MYH16: variants seen among roughly 807,000 people sequenced by gnomAD.
MYH16 encodes the protein putative uncharacterized protein MYH16.
chr7:99,265,679 C>A, exon 17 of MYH16: 1 of 153,936 alleles, frequency 6.5e-6, no homozygotes, highest in South Asian at 1.8e-4. Context: ...ACCCGGAGTT[C>A]AAACAGAGGT....
At chr7:99,250,790 G>T (rs1791800954) in intron 5 of MYH16, among the ~76,000 whole-genome samples, 1 of 152,044 alleles carries the variant, frequency 6.6e-6, no homozygotes, top group Admixed American at 6.6e-5. Flanking sequence ...TGCTCAGGGG[G>T]CTCTCTGCCA....
At chr7:99,290,592 G>A (rs1029858126) in intron 30 of MYH16, among the ~76,000 whole-genome samples, 2 of 151,910 alleles carry the variant, frequency 1.3e-5, no homozygotes, top group Non-Finnish European at 1.5e-5. Context: ...TTGAGGTCAG[G>A]AGTTTGAGAC....
chr7:99,284,901 A>C (rs1792256337), exon 26 of MYH16: 1 of 456,570 alleles, frequency 2.2e-6, no homozygotes, highest in Admixed American at 2.3e-5. Context: ...CAGTCTCTGA[A>C]TTCCACGCTG....
chr7:99,247,238 T>G (rs552336864), intron 2 of MYH16, among the ~76,000 whole-genome samples: 12 of 152,310 alleles, frequency 7.9e-5, no homozygotes, highest in African/African-American at 2.6e-4. Context: ...AGTGGCACGA[T>G]CTTGGCTCAC....
At chr7:99,279,245 G>A (rs1346973104) in intron 21 of MYH16, among the ~76,000 whole-genome samples, 1 of 150,768 alleles carries the variant, frequency 6.6e-6, no homozygotes, top group Non-Finnish European at 1.5e-5. Context: ...TGTAGCCTCA[G>A]CTACTTGGGA....
intron 29 of MYH16, among the ~76,000 whole-genome samples, chr7:99,288,379 CAGTG>C (rs1792316237): frequency 1.3e-5 from 2 of 152,124 alleles, no homozygotes; most frequent in African/African-American, 4.8e-5. Flanking sequence ...GTTGAGACTG[CAGTG>C]AGTATGACTG....
intron 32 of MYH16, 39 bp from the exon 14 acceptor site, chr7:99,293,979 C>T (rs960760705): frequency 7.0e-6 from 3 of 427,606 alleles, no homozygotes; most frequent in African/African-American, 6.1e-5. Context: ...CTGTAAGTGC[C>T]TATGTTTCCT....
At chr7:99,308,472 A>G (rs1018220712), downstream of MYH16, among the ~76,000 whole-genome samples, 11 of 152,020 alleles carry the variant, frequency 7.2e-5, no homozygotes, top group African/African-American at 2.7e-4. Flanking sequence ...TTCCAAAAAC[A>G]AGATCAATCA....
rs538629145 is a variant in MYH16 at position 99,292,354 on chromosome 7, G to A, written n.3995G>A. ...GGTGAGTCTGGCCAACACCAAGCACGACCTGGACCTAGTAAAGGAGCAGCT... is the reference window on the plus strand; with the variant it reads ...GGTGAGTCTGGCCAACACCAAGCACAACCTGGACCTAGTAAAGGAGCAGCT... On this transcript the variant is annotated non_coding_transcript_exon_variant, in exon 32 of 42. Transcript: ENST00000439784. The A allele has an allele frequency of 3.9e-5, 18 of 456,850 alleles. No individual in the cohort carries two copies. In the East Asian group the frequency reaches 5.6e-4, roughly 14 times the overall value. 28.3% of individuals were successfully genotyped at this position (456,850 alleles called of 1,614,324 possible).
At chr7:99,310,883 G>A (rs933418801), downstream of MYH16, 2 of 152,156 alleles carry the variant, frequency 1.3e-5, no homozygotes, top group Non-Finnish European at 2.9e-5. Flanking sequence ...CGCTATGGTG[G>A]AAAATGAGCT....
chr7:99,251,954 C>A (rs1791812695), intron 6 of MYH16, among the ~76,000 whole-genome samples: 1 of 152,180 alleles, frequency 6.6e-6, no homozygotes, highest in African/African-American at 2.4e-5. Flanking sequence ...GCCTGGGCAA[C>A]AGAGTAAGAC....
chr7:99,288,437 CTAAAA>C (rs756501916), intron 29 of MYH16, among the ~76,000 whole-genome samples: 16 of 150,854 alleles, frequency 1.1e-4, no homozygotes, highest in East Asian at 2.0e-4. Context: ...GACCCTGTCT[CTAAAA>C]TAAAATAAAA....
chr7:99,240,079 G>C lies in MYH16; in HGVS notation n.210+1041G>C, dbSNP rs142931952. 4.8e-5 allele frequency among the ~76,000 whole-genome samples: 7 copies of C among 145,678 alleles called. No individual in the cohort carries two copies. In the East Asian group the frequency reaches 1.4e-3, roughly 28 times the overall value. On this transcript the variant is annotated intron_variant and non_coding_transcript_variant, in intron 1 of 41. Transcript: ENST00000439784. ...TTTTAATTTGGTTTATTTTAAATGG[G>C]TAAGGGCAGGGTCTCTTGTATTCTT...
At chr7:99,279,358 CAAAAAAAAAAA>C (rs35683727) in intron 21 of MYH16, among the ~76,000 whole-genome samples, 141 bp from the exon 4 acceptor site, 1 of 45,874 alleles carries the variant, frequency 2.2e-5, no homozygotes, top group Non-Finnish European at 4.4e-5. Flanking sequence ...AACCCTGACT[CAAAAAAAAAAA>C]AAAAAAAAAA....
At chr7:99,264,928 CAA>C (rs1791972375) in intron 15 of MYH16, among the ~76,000 whole-genome samples, 2 of 152,224 alleles carry the variant, frequency 1.3e-5, no homozygotes, top group South Asian at 4.1e-4. Flanking sequence ...GCACTTTCTG[CAA>C]TGATGAAACG....
intron 13 of MYH16, among the ~76,000 whole-genome samples, chr7:99,263,128 G>A (rs536168575): frequency 1.3e-5 from 2 of 152,304 alleles, no homozygotes; most frequent in East Asian, 1.9e-4. Context: ...GGCAGATGAT[G>A]GAGCCTCCAA....
intron 18 of MYH16, among the ~76,000 whole-genome samples, chr7:99,269,621 G>T (rs1241764754): frequency 6.6e-6 from 1 of 152,086 alleles, no homozygotes; most frequent in Non-Finnish European, 1.5e-5. Flanking sequence ...ATGCCTGCAG[G>T]TCGTGCTTGG....
chr7:99,296,672 C>A (rs906500093), intron 33 of MYH16, 29 bp from the exon 15 acceptor site: 1 of 454,396 alleles, frequency 2.2e-6, no homozygotes, highest in Admixed American at 2.4e-5. Context: ...GAGGTTGGAC[C>A]CCTAGAGGCC....
intron 18 of MYH16, among the ~76,000 whole-genome samples, chr7:99,268,437 G>A (rs1262303747): frequency 3.3e-5 from 5 of 152,250 alleles, no homozygotes; most frequent in African/African-American, 9.6e-5. Context: ...AGTGGCGGTC[G>A]TGTGGCCGGG....
Sources: gnomAD v4.1 joint callset for allele counts (sites outside exome capture counted in the v4.1 genomes callset) on GRCh38, gnomAD v4.1.1 for gene constraint, MANE v1.5 for transcripts, NCBI Gene and HGNC (gene_info 2026-07-23, HGNC 2026-07-21) for gene names.